AVL9: variants seen among roughly 807,000 people sequenced by gnomAD.
AVL9 encodes the protein AVL9 cell migration associated.
A neutral mutation model predicts 79.2 loss-of-function variants in AVL9; 49 were observed. The ratio of observed to expected loss-of-function variants is 0.62; its 90% confidence interval spans 0.49 to 0.79. The LOEUF (loss-of-function observed/expected upper bound fraction) is 0.79, where lower values mean the gene tolerates loss of function less well. AVL9 is among the 30% of genes least tolerant of loss of function. AVL9 has a pLI of 0.00. For missense variants in AVL9, 682 were observed against 776.8 expected (o/e 0.88, Z 1.45); for synonymous variants, 299 against 280.6 (o/e 1.07, Z -0.65).
chr7:32,526,030 T>A (rs570257902), intron 1 of AVL9, among the ~76,000 whole-genome samples: 1 of 152,262 alleles, frequency 6.6e-6, no homozygotes, highest in Admixed American at 6.5e-5. Context: ...TCAGGTTTCC[T>A]AACTCACAGA....
intron 1 of AVL9, among the ~76,000 whole-genome samples, chr7:32,528,027 T>C (rs1368268714): frequency 6.6e-6 from 1 of 152,178 alleles, no homozygotes; most frequent in Non-Finnish European, 1.5e-5. Context: ...CTCTAAAGCC[T>C]GATACTTGGA....
chr7:32,542,117 G>A (rs1562776147), intron 1 of AVL9, among the ~76,000 whole-genome samples: 1 of 151,410 alleles, frequency 6.6e-6, no homozygotes, highest in Non-Finnish European at 1.5e-5. Context: ...TGCTTCTGGA[G>A]ATGGGAGCAG....
intron 8 of AVL9, among the ~76,000 whole-genome samples, chr7:32,557,591 G>T (rs1489786417): frequency 6.6e-6 from 1 of 152,138 alleles, no homozygotes; most frequent in African/African-American, 2.4e-5. Context: ...CACAGGTAGT[G>T]GTGTGTCTCT....
At position 32,588,426 on chromosome 7, in the gene AVL9, G is replaced by A. The variant is rs1477558136; in HGVS notation, c.*4519G>A. Reference sequence around the variant, plus strand: ...AAGGCATTTAGTGGTTACAAAAACAGTTTAAATATTTATGATTAAAGGCTT... The same window carrying A: ...AAGGCATTTAGTGGTTACAAAAACAATTTAAATATTTATGATTAAAGGCTT... On this transcript the variant is annotated 3_prime_UTR_variant, in exon 16 of 16. Transcript: ENST00000318709. 1 of 152,138 alleles carries A rather than the reference G, an allele frequency of 6.6e-6. No individual in the cohort carries two copies. Among genetic ancestry groups the A allele is most frequent in the Non-Finnish European group, 1.5e-5 (1 of 68,026 alleles). 9.4% of individuals were successfully genotyped at this position (152,138 alleles called of 1,614,324 possible).
In AVL9 at chr7:32,573,404, C is replaced by T. The variant is rs1161041223; in HGVS notation, c.1556C>T (p.Ala519Val). The T allele has an allele frequency of 1.1e-5, 18 of 1,613,348 alleles. No individual in the cohort carries two copies. The highest frequency in any genetic ancestry group is 1.5e-5 in the Non-Finnish European group (18 of 1,179,608). Residue 519 changes from alanine (A) to valine (V), a missense_variant, in exon 12 of 16, where the codon GCC (alanine) becomes GTC (valine). Transcript: ENST00000318709. Reference protein sequence around the residue: ...FAVYIHALLAATLQLDNEKIL... With the variant: ...FAVYIHALLAVTLQLDNEKIL... ...GTCTACATTCATGCCCTGCTGGCTG[C>T]CACACTGCAATTAGGTAAGAAACCA...
In AVL9 at chr7:32,495,490, T is replaced by A; in HGVS notation, c.-220T>A. 1 of 375,460 alleles carries A rather than the reference T, an allele frequency of 2.7e-6. No homozygotes were observed. The highest frequency in any genetic ancestry group is 4.7e-6 in the Non-Finnish European group (1 of 211,230). The allele number at this position is 375,460 out of a possible 1,614,324, so 23.3% of individuals were successfully genotyped here. A position where few individuals can be genotyped will look rare whatever the true frequency, so the allele number is the denominator to read the frequency against. On this transcript the variant is annotated 5_prime_UTR_variant, in exon 1 of 16. Transcript: ENST00000318709. ...CCTGCCTCGCCGGCGGCGGCCGCCG[T>A]GTCAGGTGACAGCCCGGAAGCTGCG...
chr7:32,503,847 T>G (rs1787295880), intron 1 of AVL9, among the ~76,000 whole-genome samples: 1 of 151,930 alleles, frequency 6.6e-6, no homozygotes, highest in African/African-American at 2.4e-5. Flanking sequence ...CACACCCGGC[T>G]ATGTTTTGTA....
Position 32,498,237 on chromosome 7 carries a change from ATTTTTTTTT to A in AVL9, c.93+2451_93+2459del, listed in dbSNP as rs10547851. Among the ~76,000 whole-genome samples the A allele has an allele frequency of 5.8e-4, 52 of 89,818 alleles. No individual in the cohort carries two copies. The East Asian group carries it at 0.018, about 31-fold the overall frequency. 58.9% of individuals were successfully genotyped at this position (89,818 alleles called of 152,430 possible). A position where few individuals can be genotyped will look rare whatever the true frequency, so the allele number is the denominator to read the frequency against. On this transcript the variant is annotated intron_variant, in intron 1 of 15. Coordinates refer to ENST00000318709, the MANE Select transcript of AVL9 (RefSeq NM_015060.3). The stretch of plus-strand genomic sequence containing the variant: ...CTTTTTCCACCTTTGAAGTCCTCAG[ATTTTTTTTT>A]TTTTTTTTTTTTTTTGAGACGGAGT...
rs1791645586 is a variant in AVL9 at position 32,583,962 on chromosome 7, C to G, written c.*55C>G. 7.8e-7 allele frequency: 1 copy of G among 1,283,226 alleles called. No homozygotes were observed. The highest frequency in any genetic ancestry group is 1.5e-5 in the African/African-American group (1 of 67,976). The allele number at this position is 1,283,226 out of a possible 1,614,324, so 79.5% of individuals were successfully genotyped here. ...TGAGGTTTAAGTGTCCCCTGTCTGT[C>G]TGCTGCTCCCAGGCTGTTACTAGCC... On this transcript the variant is annotated 3_prime_UTR_variant, in exon 16 of 16. Coordinates refer to ENST00000318709, the MANE Select transcript of AVL9 (RefSeq NM_015060.3).
intron 1 of AVL9, chr7:32,538,506 T>C (rs1789022633): frequency 6.6e-6 from 1 of 152,162 alleles, no homozygotes; most frequent in Non-Finnish European, 1.5e-5. Context: ...ATGAAGTTTG[T>C]TAGGTTGTTC....
chr7:32,582,329 T>C (rs1299807287), intron 15 of AVL9, among the ~76,000 whole-genome samples: 1 of 152,140 alleles, frequency 6.6e-6, no homozygotes, highest in Non-Finnish European at 1.5e-5. Flanking sequence ...AAGTAATCTT[T>C]GTGTAGGTGT....
At chr7:32,511,671 A>G (rs746928123) in intron 1 of AVL9, among the ~76,000 whole-genome samples, 45 of 151,786 alleles carry the variant, frequency 3.0e-4, no homozygotes, top group Admixed American at 1.5e-3. Flanking sequence ...TCCGGGAGGT[A>G]GGGTGCTGGG....
At chr7:32,496,531 A>T (rs1459348691) in intron 1 of AVL9, among the ~76,000 whole-genome samples, 1 of 152,224 alleles carries the variant, frequency 6.6e-6, no homozygotes, top group African/African-American at 2.4e-5. Context: ...TCTGAAATGG[A>T]ATATTTGCAA....
rs1554350217 is a variant in AVL9, at chr7:32,586,469, C to CCCCCCA, written c.*2566_*2567insCACCCC. ...TCACCCCTGGTCCTGTGACCCCCCC[C>CCCCCCA]CCCCACACACACACATACTTCAGGC... On this transcript the variant is annotated 3_prime_UTR_variant, in exon 16 of 16. Coordinates refer to ENST00000318709, the MANE Select transcript of AVL9 (RefSeq NM_015060.3). 4.4e-5 allele frequency: 6 copies of CCCCCCA among 135,212 alleles called. No individual in the cohort carries two copies. Among genetic ancestry groups the CCCCCCA allele is most frequent in the African/African-American group, 1.7e-4 (6 of 34,746 alleles). 8.4% of individuals were successfully genotyped at this position (135,212 alleles called of 1,614,324 possible).
chr7:32,549,420 T>C (rs920031532), intron 4 of AVL9, among the ~76,000 whole-genome samples: 1 of 150,880 alleles, frequency 6.6e-6, no homozygotes, highest in Non-Finnish European at 1.5e-5. Context: ...AGAGACGAGG[T>C]TTTACCATGT....
chr7:32,558,610 G>A lies in AVL9; in HGVS notation c.661G>A (p.Val221Met). 2 of 1,611,522 alleles carry A rather than the reference G, an allele frequency of 1.2e-6. No individual in the cohort carries two copies. The highest frequency in any genetic ancestry group is 1.7e-6 in the Non-Finnish European group (2 of 1,179,068). The change falls in exon 9 of 16, where the codon GTG (valine) becomes ATG (methionine). Residue 221 changes from valine to methionine, a missense_variant. Physicochemically the swap from Val to Met is conservative, Grantham distance 21 (BLOSUM62 1). Coordinates refer to ENST00000318709, the MANE Select transcript of AVL9 (RefSeq NM_015060.3). ...TAAATTGGTGGGTGCACTGATGACT[G>A]TGTTATCCCTTTTTCCAGGTAAGAA... is the stretch of plus-strand genomic sequence containing the variant. ...VNKLVGALMT[V>M]LSLFPGMIEH...
At chr7:32,567,354 G>C (rs1790629168) in intron 10 of AVL9, among the ~76,000 whole-genome samples, 1 of 152,028 alleles carries the variant, frequency 6.6e-6, no homozygotes, top group Non-Finnish European at 1.5e-5. Flanking sequence ...TGCCCGCCTT[G>C]GCCTCCCAAA....
chr7:32,535,215 G>A (rs934742712), intron 1 of AVL9: 1 of 152,096 alleles, frequency 6.6e-6, no homozygotes, highest in Non-Finnish European at 1.5e-5. Context: ...CTCTACAGTT[G>A]GCTCCCTCCG....
At chr7:32,505,667 A>G (rs1162042213) in intron 1 of AVL9, among the ~76,000 whole-genome samples, 1 of 152,200 alleles carries the variant, frequency 6.6e-6, no homozygotes, top group Non-Finnish European at 1.5e-5. Flanking sequence ...ATACTAGTAC[A>G]GAGGTAGGAG....
Sources: allele counts gnomAD v4.1 joint callset (sites outside exome capture counted in the v4.1 genomes callset), GRCh38; gene constraint gnomAD v4.1.1; transcripts MANE v1.5; gene names NCBI Gene and HGNC (gene_info 2026-07-23, HGNC 2026-07-21).